The following SCIN variants were observed in gnomAD, a reference collection of about 807,000 sequenced individuals.
SCIN encodes scinderin.
In SCIN, 91 loss-of-function variants were observed where a neutral mutation model predicts 91.8. That is an observed-to-expected ratio of 0.99 (90% CI 0.84 to 1.18). The LOEUF (loss-of-function observed/expected upper bound fraction) is 1.18. Among genes scored for constraint, SCIN ranks in the 50% most tolerant of loss-of-function variants. SCIN has a pLI of 0.00. For missense variants in SCIN, 1,087 were observed against 863.9 expected, an observed-to-expected ratio of 1.26 and a Z score of -3.24; for synonymous variants, 367 against 312.6, an observed-to-expected ratio of 1.17 and a Z score of -1.84.
chr7:12,639,409 T>C (rs1783814309), intron 10 of SCIN, among the ~76,000 whole-genome samples: 2 of 152,252 alleles, frequency 1.3e-5, no homozygotes, highest in African/African-American at 4.8e-5. Flanking sequence ...GGTATGTATA[T>C]GCATGTAATG....
intron 3 of SCIN, among the ~76,000 whole-genome samples, chr7:12,582,159 A>G (rs1009962496): frequency 6.6e-6 from 1 of 152,218 alleles, no homozygotes; most frequent in Non-Finnish European, 1.5e-5. Flanking sequence ...TCAAGGTTGC[A>G]AAGTTAGTAA....
At chr7:12,641,140 C>T (rs1159299478) in intron 11 of SCIN, among the ~76,000 whole-genome samples, 4 of 152,196 alleles carry the variant, frequency 2.6e-5, no homozygotes, top group Non-Finnish European at 4.4e-5. Flanking sequence ...CCACATCACC[C>T]TTACGCTGCC....
At chr7:12,576,358 G>GTT (rs113504526) in intron 1 of SCIN, among the ~76,000 whole-genome samples, 5 of 115,652 alleles carry the variant, frequency 4.3e-5, no homozygotes, top group Admixed American at 2.5e-4. Context: ...CTACTGAGTT[G>GTT]TTTTTTTTTG....
intron 4 of SCIN, chr7:12,611,012 T>G (rs1012158926): frequency 2.0e-5 from 3 of 152,208 alleles, no homozygotes; most frequent in African/African-American, 7.2e-5. Context: ...AAACTCCAAT[T>G]CTTTTCTTGC....
chr7:12,611,555 A>G (rs1487400181), intron 4 of SCIN, among the ~76,000 whole-genome samples: 2 of 152,210 alleles, frequency 1.3e-5, no homozygotes, highest in African/African-American at 2.4e-5. Context: ...GAGAGAGGAA[A>G]GAGCTTTATT....
At chr7:12,618,935 C>G (rs551956329) in intron 4 of SCIN, among the ~76,000 whole-genome samples, 2 of 152,058 alleles carry the variant, frequency 1.3e-5, no homozygotes, top group African/African-American at 4.8e-5. Context: ...ATATAAAGAG[C>G]TTTGAAGTAG....
At chr7:12,596,232 G>A (rs200209849) in intron 3 of SCIN, 29 of 401,626 alleles carry the variant, frequency 7.2e-5, no homozygotes, top group African/African-American at 2.1e-4. Flanking sequence ...CTAGGAAGTC[G>A]TACACATGCC....
intron 1 of SCIN, chr7:12,571,573 G>A (rs1397561999): frequency 1.3e-5 from 6 of 468,332 alleles, no homozygotes; most frequent in South Asian, 9.4e-5. Context: ...CTGCTTGTGG[G>A]TCTGGTAGAC....
chr7:12,655,269 G>A lies in SCIN; in HGVS notation c.*2554G>A, dbSNP rs931515367. ...GTTTTTCCCCAAATAGTTTTGATCC[G>A]CAGATGTAGAACCCACAGATATGAT... On this transcript the variant is annotated 3_prime_UTR_variant, in exon 16 of 16. Coordinates refer to ENST00000297029, the MANE Select transcript of SCIN (RefSeq NM_001112706.3). 3.9e-5 allele frequency: 6 copies of A among 152,012 alleles called. No individual in the cohort carries two copies. The South Asian group carries it at 6.2e-4, about 16-fold the overall frequency. The allele number at this position is 152,012 out of a possible 1,614,324, so 9.4% of individuals were successfully genotyped here. A position where few individuals can be genotyped will look rare whatever the true frequency, so the allele number is the denominator to read the frequency against.
chr7:12,578,034 T>A, intron 1 of SCIN, 30 bp from the exon 2 acceptor site: 2 of 1,503,182 alleles, frequency 1.3e-6, no homozygotes, highest in Non-Finnish European at 1.8e-6. Context: ...TCTTGCTTGA[T>A]AATTGAGGTG....
intron 3 of SCIN, among the ~76,000 whole-genome samples, chr7:12,585,330 C>G (rs1257772511): frequency 6.6e-6 from 1 of 152,146 alleles, no homozygotes; most frequent in Non-Finnish European, 1.5e-5. Context: ...CCTTGTTTTT[C>G]TCCCTCTCAG....
At chr7:12,593,094 C>T (rs1782760588) in intron 3 of SCIN, among the ~76,000 whole-genome samples, 1 of 152,212 alleles carries the variant, frequency 6.6e-6, no homozygotes. Flanking sequence ...ACTTCCAGTG[C>T]CCATCTGCTG....
intron 3 of SCIN, among the ~76,000 whole-genome samples, chr7:12,582,921 G>A (rs547189854): frequency 6.6e-6 from 1 of 152,088 alleles, no homozygotes; most frequent in South Asian, 2.1e-4. Flanking sequence ...CTTTATAAGT[G>A]CTTTTGAAAA....
At chr7:12,578,909 G>GTTTTTTTTTTTGTTTTTTTTTTTTT (rs1554290048) in intron 2 of SCIN, among the ~76,000 whole-genome samples, 1 of 85,898 alleles carries the variant, frequency 1.2e-5, no homozygotes, top group South Asian at 4.4e-4. Context: ...TATAGGACAG[G>GTTTTTTTTTTTGTTTTTTTTTTTTT]TTTTTTTTTT....
chr7:12,594,424 C>T (rs1244388814), intron 3 of SCIN, among the ~76,000 whole-genome samples: 1 of 152,028 alleles, frequency 6.6e-6, no homozygotes, highest in Non-Finnish European at 1.5e-5. Flanking sequence ...TGAAGAAAGC[C>T]TGAATATAAG....
intron 3 of SCIN, among the ~76,000 whole-genome samples, chr7:12,582,207 T>G (rs6460968): frequency 0.56 from 84,980 of 152,006 alleles, 24,350 homozygotes; most frequent in African/African-American, 0.69. Flanking sequence ...CATATCTGAT[T>G]CCCCACGAAG....
chr7:12,636,206 C>CTGT, intron 10 of SCIN, 71 bp downstream of exon 10: 1 of 1,065,838 alleles, frequency 9.4e-7, no homozygotes, highest in Non-Finnish European at 1.4e-6. Context: ...GCTATAGCTC[C>CTGT]CTCCCAAGTT....
intron 4 of SCIN, among the ~76,000 whole-genome samples, chr7:12,610,048 C>T (rs547108697): frequency 6.6e-6 from 1 of 152,256 alleles, no homozygotes; most frequent in Non-Finnish European, 1.5e-5. Flanking sequence ...CGTGAGGGTC[C>T]TCAGAGGCCA....
At chr7:12,607,634 A>G (rs1783105248) in intron 4 of SCIN, among the ~76,000 whole-genome samples, 1 of 152,196 alleles carries the variant, frequency 6.6e-6, no homozygotes, top group African/African-American at 2.4e-5. Flanking sequence ...GTTTTCATTC[A>G]ATACATTCAG....
Sources: gnomAD v4.1 joint callset for allele counts (sites outside exome capture counted in the v4.1 genomes callset) on GRCh38, gnomAD v4.1.1 for gene constraint, MANE v1.5 for transcripts, NCBI Gene and HGNC (gene_info 2026-07-23, HGNC 2026-07-21) for gene names.